Variants in MRPL40 observed in about 807,000 individuals in gnomAD.
MRPL40 encodes the protein mitochondrial ribosomal protein L40.
A neutral mutation model predicts 24.5 loss-of-function variants in MRPL40; 18 were observed. That is an observed-to-expected ratio of 0.73 (90% confidence interval 0.51 to 1.09). The LOEUF (loss-of-function observed/expected upper bound fraction) is 1.09. Ranked by LOEUF, MRPL40 falls within the 50% of genes least tolerant of loss-of-function variation. The pLI, the probability that MRPL40 is intolerant of heterozygous loss-of-function variation, is 0.00. For missense variants in MRPL40, 256 were observed against 243.8 expected (o/e 1.05, Z -0.33); for synonymous variants, 108 against 94.6 (o/e 1.14, Z -0.82).
chr22:19,435,899 AC>A lies in MRPL40; in HGVS notation c.563del (p.Pro188LeufsTer27). On this transcript the variant is annotated frameshift_variant, in exon 4 of 4. Transcript: ENST00000333130. LOFTEE classifies it high-confidence loss of function. ...HYTPPIPNYQPPEGRYNDITK... is the reference protein window; with the variant it reads ...HYTPPIPNYQXPEGRYNDITK... Reference sequence around the variant, plus strand: ...ACACACCACCGATCCCTAACTACCAACCCCCTGAAGGCAGGTACAATGACAT... The same window carrying A: ...ACACACCACCGATCCCTAACTACCAACCCCTGAAGGCAGGTACAATGACAT... 1 of 1,613,858 alleles carries A rather than the reference AC, an allele frequency of 6.2e-7. No homozygotes were observed. Among genetic ancestry groups the A allele is most frequent in the South Asian group, 1.1e-5 (1 of 91,058 alleles).
chr22:19,435,966 TGC>T lies in MRPL40; in HGVS notation c.*5_*6del. 6.2e-7 allele frequency: 1 copy of T among 1,608,226 alleles called. No individual in the cohort carries two copies. The highest frequency in any genetic ancestry group is 1.1e-5 in the South Asian group (1 of 90,478). The stretch of plus-strand genomic sequence containing the variant: ...ACAAGTGGAGTTTAAGAGATAGACT[TGC>T]AGGCTGCTATCCTTAACATGCTGCC... On this transcript the variant is annotated 3_prime_UTR_variant, in exon 4 of 4. Transcript: ENST00000333130.
Position 19,433,361 on chromosome 22 carries a change from C to G in MRPL40, c.137+13C>G. 6.5e-7 allele frequency: 1 copy of G among 1,538,096 alleles called. No homozygotes were observed. On this transcript the variant is annotated intron_variant, in intron 2 of 3. Coordinates refer to ENST00000333130, the MANE Select transcript of MRPL40 (RefSeq NM_003776.4). ...TCATTCCCATGAGGTAAAACTCAAT[C>G]GAGGGCCTGACCTCTGGGGGTAAAG...
Position 19,435,682 on chromosome 22 carries a change from G to A in MRPL40, c.341G>A (p.Arg114Lys), listed in dbSNP as rs1331598044. ...VELTFEETER[R>K]ALLLKKWSLY... Reference sequence around the variant, plus strand: ...CTCACCTTTGAGGAGACTGAGAGGAGAGCTCTGCTTCTGAAGAAGTGGTCC... The same window carrying A: ...CTCACCTTTGAGGAGACTGAGAGGAAAGCTCTGCTTCTGAAGAAGTGGTCC... The change falls in exon 4 of 4, where the codon AGA (arginine) becomes AAA (lysine). Residue 114 changes from arginine (R) to lysine (K), a missense_variant. Transcript: ENST00000333130. 3.7e-6 allele frequency: 6 copies of A among 1,614,116 alleles called. No individual in the cohort carries two copies. The highest frequency in any genetic ancestry group is 3.3e-4 in the Middle Eastern group (2 of 6,062).
rs760212089 is a variant in MRPL40 at position 19,435,789 on chromosome 22, C to A, written c.448C>A (p.Leu150Met). ...LEAQQEALEELQLESPKLHAE... is the reference protein window; with the variant it reads ...LEAQQEALEEMQLESPKLHAE... ...AGCCCAGCAGGAAGCTCTGGAGGAA[C>A]TGCAACTGGAATCCCCGAAGCTCCA... Residue 150 changes from leucine to methionine, a missense_variant, in exon 4 of 4, where the codon CTG (leucine) becomes ATG (methionine). Leu to Met is a conservative substitution (Grantham distance 15). Coordinates refer to ENST00000333130, the MANE Select transcript of MRPL40 (RefSeq NM_003776.4). The A allele has an allele frequency of 1.2e-6, 2 of 1,614,086 alleles. No individual in the cohort carries two copies. The highest frequency in any genetic ancestry group is 2.7e-5 in the African/African-American group (2 of 74,922).
rs1200174167 is a variant in MRPL40, at chr22:19,434,215, A to G, written c.138-521A>G. Among the ~76,000 whole-genome samples, 9 of 102,736 alleles carry G rather than the reference A, an allele frequency of 8.8e-5. No homozygotes were observed. In the East Asian group the frequency reaches 2.3e-3, roughly 26 times the overall value. 67.4% of individuals were successfully genotyped at this position (102,736 alleles called of 152,430 possible). A position where few individuals can be genotyped will look rare whatever the true frequency, so the allele number is the denominator to read the frequency against. ...CCCTGATGCCTCTTGTTGCTTTTGTACTTTTTTTTTTTTTTTTTTTTTTTT... is the reference window on the plus strand; with the variant it reads ...CCCTGATGCCTCTTGTTGCTTTTGTGCTTTTTTTTTTTTTTTTTTTTTTTT... On this transcript the variant is annotated intron_variant, in intron 2 of 3. Coordinates refer to ENST00000333130, the MANE Select transcript of MRPL40 (RefSeq NM_003776.4).
chr22:19,433,479 C>A, intron 2 of MRPL40, 131 bp downstream of exon 2: 1 of 567,318 alleles, frequency 1.8e-6, no homozygotes, highest in Non-Finnish European at 3.2e-6. Flanking sequence ...AAATTTAGGC[C>A]GATGCTTTTC....
At chr22:19,434,153 A>G (rs1327231366) in intron 2 of MRPL40, among the ~76,000 whole-genome samples, 1 of 151,710 alleles carries the variant, frequency 6.6e-6, no homozygotes, top group Admixed American at 6.6e-5. Flanking sequence ...GCACACCTGA[A>G]TCCCAGCAAT....
At position 19,434,857 on chromosome 22, in the gene MRPL40, G is replaced by T. The variant is rs749850298; in HGVS notation, c.259G>T (p.Asp87Tyr). 6.2e-7 allele frequency: 1 copy of T among 1,605,286 alleles called. No individual in the cohort carries two copies. The highest frequency in any genetic ancestry group is 1.1e-5 in the South Asian group (1 of 88,898). ...KATQELIPIE[D>Y]FITPLKFLDK... ...TACTCAAGAGCTAATTCCTATTGAA[G>T]ATTTTATTACCCCTCTAAAGTTCTT... Residue 87 changes from aspartate to tyrosine, a missense_variant, in exon 3 of 4, where the codon GAT becomes TAT. By Grantham distance (160) the Asp-to-Tyr change is radical (BLOSUM62 -3). Transcript: ENST00000333130.
intron 1 of MRPL40, 78 bp downstream of exon 1, chr22:19,432,685 C>T (rs1293441460): frequency 1.4e-6 from 2 of 1,474,880 alleles, no homozygotes; most frequent in Non-Finnish European, 1.8e-6. Context: ...CAGGACTCGC[C>T]TGTGCTCCCT....
At chr22:19,434,214 T>A (rs574075939) in intron 2 of MRPL40, among the ~76,000 whole-genome samples, 1 of 138,772 alleles carries the variant, frequency 7.2e-6, no homozygotes, top group African/African-American at 2.8e-5. Flanking sequence ...GTTGCTTTTG[T>A]ACTTTTTTTT....
intron 2 of MRPL40, among the ~76,000 whole-genome samples, chr22:19,433,632 C>T (rs1246306504): frequency 6.6e-6 from 1 of 152,140 alleles, no homozygotes; most frequent in East Asian, 1.9e-4. Context: ...TCTCCATGAC[C>T]CTTCCTCTTC....
rs1205817907 is a variant in MRPL40, at chr22:19,432,616, G to C, written c.53+9G>C. 6.5e-7 allele frequency: 1 copy of C among 1,549,646 alleles called. No homozygotes were observed. On this transcript the variant is annotated intron_variant, in intron 1 of 3. Coordinates refer to ENST00000333130, the MANE Select transcript of MRPL40 (RefSeq NM_003776.4). Reference sequence around the variant, plus strand: ...CTGCGCCCGACTAGCGGGTGAGTGCGGACGCTGGCCGGATAGCGGAGTGCC... The same window carrying C: ...CTGCGCCCGACTAGCGGGTGAGTGCCGACGCTGGCCGGATAGCGGAGTGCC...
chr22:19,435,017 C>CT (rs1294351113), intron 3 of MRPL40, 123 bp downstream of exon 3: 1 of 804,444 alleles, frequency 1.2e-6, no homozygotes, highest in Non-Finnish European at 2.0e-6. Flanking sequence ...TGACTTGGCC[C>CT]TAATGAGTCC....
chr22:19,432,647 C>T, intron 1 of MRPL40, 40 bp downstream of exon 1: 2 of 1,528,620 alleles, frequency 1.3e-6, no homozygotes, highest in Non-Finnish European at 1.8e-6. Context: ...GTGCCCAGGG[C>T]GCGTGCGGGG....
intron 1 of MRPL40, chr22:19,433,058 C>T (rs2089558468): frequency 3.8e-6 from 2 of 524,426 alleles, no homozygotes; most frequent in Non-Finnish European, 6.5e-6. Flanking sequence ...TCCCGAGTAG[C>T]TCGGATTACA....
In MRPL40 at chr22:19,436,012, C is replaced by A; in HGVS notation, c.*50C>A. 1 of 1,476,162 alleles carries A rather than the reference C, an allele frequency of 6.8e-7. No homozygotes were observed. Among genetic ancestry groups the A allele is most frequent in the South Asian group, 1.2e-5 (1 of 80,784 alleles). The allele number at this position is 1,476,162 out of a possible 1,614,324, so 91.4% of individuals were successfully genotyped here. On this transcript the variant is annotated 3_prime_UTR_variant, in exon 4 of 4. Coordinates refer to ENST00000333130, the MANE Select transcript of MRPL40 (RefSeq NM_003776.4). ...TGCTGCCCCTGAGAGTAGGAATGACCAGGGTTCAAGTCTGCTTTCCACAGA... is the reference window on the plus strand; with the variant it reads ...TGCTGCCCCTGAGAGTAGGAATGACAAGGGTTCAAGTCTGCTTTCCACAGA...
At chr22:19,434,981 A>G (rs990377010) in intron 3 of MRPL40, 87 bp downstream of exon 3, 2 of 1,193,844 alleles carry the variant, frequency 1.7e-6, no homozygotes, top group African/African-American at 3.1e-5. Context: ...CACACCTGTG[A>G]TAGTCATTGG....
At chr22:19,433,165 T>C (rs920701460) in intron 1 of MRPL40, 100 bp from the exon 2 acceptor site, 2 of 735,678 alleles carry the variant, frequency 2.7e-6, no homozygotes, top group African/African-American at 3.5e-5. Context: ...GACCTCGCGA[T>C]CCACCCGCCT....
chr22:19,435,290 T>A (rs1028499888), intron 3 of MRPL40, among the ~76,000 whole-genome samples: 1 of 152,214 alleles, frequency 6.6e-6, no homozygotes, highest in African/African-American at 2.4e-5. Flanking sequence ...TTGTTGGGAT[T>A]CTACTGTGTG....
Sources: allele counts gnomAD v4.1 joint callset (sites outside exome capture counted in the v4.1 genomes callset), GRCh38; gene constraint gnomAD v4.1.1; transcripts MANE v1.5; gene names NCBI Gene and HGNC (gene_info 2026-07-23, HGNC 2026-07-21).